SCOC: variants seen among roughly 807,000 people sequenced by gnomAD.
SCOC encodes the protein short coiled-coil protein.
In SCOC, 7 loss-of-function variants were observed where a neutral mutation model predicts 9.9. That is an observed-to-expected ratio of 0.71 (90% CI 0.40 to 1.33). The LOEUF (loss-of-function observed/expected upper bound fraction) is 1.33, where lower values mean the gene tolerates loss of function less well. Ranked by LOEUF, SCOC falls within the 40% of genes most tolerant of loss-of-function variation. The pLI is 0.01. For missense variants in SCOC, 66 were observed against 89.7 expected (o/e 0.74, Z 1.07); for synonymous variants, 19 against 28.2 (o/e 0.67, Z 1.03).
chr4:140,339,024 G>T (rs148732688), upstream of SCOC, among the ~76,000 whole-genome samples: 256 of 152,198 alleles, frequency 1.7e-3, 1 homozygote, highest in Non-Finnish European at 3.1e-3. Flanking sequence ...AACGCTGGAG[G>T]CATCATGCTA....
chr4:140,294,286 A>C (rs909630202), intron 1 of SCOC, among the ~76,000 whole-genome samples: 1 of 152,182 alleles, frequency 6.6e-6, no homozygotes, highest in Non-Finnish European at 1.5e-5. Context: ...TACCAAGGAA[A>C]GATATTGAGG....
At chr4:140,376,809 C>G (rs1240363934) in intron 1 of SCOC, 1 of 152,090 alleles carries the variant, frequency 6.6e-6, no homozygotes, top group African/African-American at 2.4e-5. Flanking sequence ...TTTTTGCAGA[C>G]TTTTTGGTTT....
At chr4:140,341,260 C>T (rs573054082), upstream of SCOC, among the ~76,000 whole-genome samples, 3 of 152,240 alleles carry the variant, frequency 2.0e-5, no homozygotes, top group African/African-American at 4.8e-5. Context: ...AAAGCAAATA[C>T]ACCCTTTGGT....
At chr4:140,303,256 G>T (rs1235757765) in intron 1 of SCOC, among the ~76,000 whole-genome samples, 1 of 152,180 alleles carries the variant, frequency 6.6e-6, no homozygotes, top group Non-Finnish European at 1.5e-5. Context: ...ATTATTATTT[G>T]TTGCGTGTTC....
At chr4:140,343,564 G>A in intron 1 of SCOC, 2 of 1,081,064 alleles carry the variant, frequency 1.9e-6, no homozygotes, top group South Asian at 2.6e-5. Flanking sequence ...GATTTAACAA[G>A]GGCGGTCACA....
upstream of SCOC, among the ~76,000 whole-genome samples, chr4:140,343,100 A>G (rs760239491): frequency 2.2e-4 from 33 of 152,142 alleles, no homozygotes; most frequent in Non-Finnish European, 4.3e-4. Flanking sequence ...TTATTTCTTC[A>G]TACATGTACC....
Position 140,384,179 on chromosome 4 carries a change from C to T in SCOC, c.*3075C>T, listed in dbSNP as rs895920626. ...CTGAAAGCAAGGAATAGCCAATTCA[C>T]TTAACATTCTGGCTTTTTCCAGCTA... is the stretch of plus-strand genomic sequence containing the variant. On this transcript the variant is annotated 3_prime_UTR_variant, in exon 4 of 4. Transcript: ENST00000608372. 1 of 152,260 alleles carries T rather than the reference C, an allele frequency of 6.6e-6. No homozygotes were observed. Among genetic ancestry groups the T allele is most frequent in the African/African-American group, 2.4e-5 (1 of 41,462 alleles). The allele number at this position is 152,260 out of a possible 1,614,324, so 9.4% of individuals were successfully genotyped here. A position where few individuals can be genotyped will look rare whatever the true frequency, so the allele number is the denominator to read the frequency against.
chr4:140,326,643 ACC>A (rs10706298), intron 1 of SCOC, among the ~76,000 whole-genome samples: 102,064 of 151,716 alleles, frequency 0.67, 36,361 homozygotes, highest in Non-Finnish European at 0.8. Flanking sequence ...TTATAGGCAG[ACC>A]CCCCCCCCTA....
upstream of SCOC, chr4:140,373,618 T>TGTGGGCGGA: frequency 2.6e-6 from 4 of 1,551,708 alleles, no homozygotes; most frequent in Non-Finnish European, 3.5e-6. Flanking sequence ...GCGCACGTTC[T>TGTGGGCGGA]GTGGGCGGAG....
At chr4:140,380,903 G>A in intron 3 of SCOC, 59 bp from the exon 4 acceptor site, 2 of 1,264,434 alleles carry the variant, frequency 1.6e-6, no homozygotes, top group South Asian at 3.3e-5. Flanking sequence ...TAAGAATTTT[G>A]TAATATGGAA....
intron 1 of SCOC, among the ~76,000 whole-genome samples, chr4:140,307,914 T>C (rs745816222): frequency 2.0e-5 from 3 of 152,234 alleles, no homozygotes; most frequent in Non-Finnish European, 2.9e-5. Flanking sequence ...TGATGTATAT[T>C]GCATTGATTT....
chr4:140,284,425 ACTTAATAT>A lies in SCOC; in HGVS notation c.-19+27016_-19+27023del, dbSNP rs1731173191. 2.6e-5 allele frequency: 4 copies of A among 152,320 alleles called. No homozygotes were observed. In the East Asian group the frequency reaches 7.7e-4, roughly 29 times the overall value. The allele number at this position is 152,320 out of a possible 1,614,324, so 9.4% of individuals were successfully genotyped here. A position where few individuals can be genotyped will look rare whatever the true frequency, so the allele number is the denominator to read the frequency against. The stretch of plus-strand genomic sequence containing the variant: ...TGCTTCTCAGATCCATTTCATAACA[ACTTAATAT>A]GCTCAAGTATTTTCTGAGGGGCAAG... On this transcript the variant is annotated intron_variant, in intron 1 of 4. Coordinates refer to the SCOC transcript ENST00000394205.
intron 1 of SCOC, among the ~76,000 whole-genome samples, chr4:140,323,600 A>G (rs1369033595): frequency 1.3e-5 from 2 of 152,208 alleles, no homozygotes; most frequent in Non-Finnish European, 2.9e-5. Context: ...AGAATAGTAC[A>G]GACAACACTA....
intron 1 of SCOC, among the ~76,000 whole-genome samples, chr4:140,336,854 A>G (rs1732971603): frequency 6.6e-6 from 1 of 152,180 alleles, no homozygotes; most frequent in African/African-American, 2.4e-5. Context: ...AGCAATATAC[A>G]AATGTTTCTA....
At chr4:140,293,120 A>T (rs1024637798) in intron 1 of SCOC, 3 of 365,158 alleles carry the variant, frequency 8.2e-6, no homozygotes, top group African/African-American at 4.3e-5. Context: ...CGTGTAGCTC[A>T]TGTGTTCCCC....
At chr4:140,354,957 T>C (rs1727146088) in intron 2 of SCOC, among the ~76,000 whole-genome samples, 1 of 151,966 alleles carries the variant, frequency 6.6e-6, no homozygotes, top group African/African-American at 2.4e-5. Flanking sequence ...CCCCACACTT[T>C]ACTAACTAGT....
intron 1 of SCOC, among the ~76,000 whole-genome samples, chr4:140,323,899 C>A (rs966463533): frequency 6.6e-6 from 1 of 151,980 alleles, no homozygotes; most frequent in African/African-American, 2.4e-5. Context: ...AAGACTCAAA[C>A]CAGCTTGCAC....
chr4:140,283,660 C>T (rs1731149414), intron 1 of SCOC: 1 of 152,104 alleles, frequency 6.6e-6, no homozygotes, highest in Non-Finnish European at 1.5e-5. Context: ...TATATTTTGT[C>T]CAATTAGCCC....
chr4:140,337,800 C>A (rs1185930611), intron 1 of SCOC, among the ~76,000 whole-genome samples: 2 of 151,842 alleles, frequency 1.3e-5, no homozygotes, highest in Non-Finnish European at 2.9e-5. Flanking sequence ...GAAATTGAGA[C>A]AAATAATAGC....
Sources: gnomAD v4.1 joint callset for allele counts (sites outside exome capture counted in the v4.1 genomes callset) on GRCh38, gnomAD v4.1.1 for gene constraint, MANE v1.5 for transcripts, NCBI Gene and HGNC (gene_info 2026-07-23, HGNC 2026-07-21) for gene names.